CENPC: variants seen among roughly 807,000 people sequenced by gnomAD.
The protein encoded by CENPC is centromere protein C.
CENPC carries 63 observed loss-of-function variants against 112.1 expected under a neutral mutation model. That is an observed-to-expected ratio of 0.56 (90% CI 0.46 to 0.69). The LOEUF is 0.69. CENPC is among the 30% of genes least tolerant of loss of function. The pLI is 0.00. For synonymous variants in CENPC, 333 were observed against 367.6 expected (o/e 0.91, Z 1.08); for missense variants, 1,000 against 1,103.8 (o/e 0.91, Z 1.33).
chr4:67,486,546 T>A (rs1725099512), intron 17 of CENPC, among the ~76,000 whole-genome samples: 1 of 152,184 alleles, frequency 6.6e-6, no homozygotes, highest in Non-Finnish European at 1.5e-5. Context: ...ATATTAGCGG[T>A]TCTCAATCAA....
intron 17 of CENPC, among the ~76,000 whole-genome samples, chr4:67,477,250 A>C (rs1724830348): frequency 6.6e-6 from 1 of 152,124 alleles, no homozygotes; most frequent in Admixed American, 6.5e-5. Context: ...ATATTAAAGA[A>C]AACCAGCACA....
At chr4:67,479,388 C>T (rs534847475) in intron 17 of CENPC, among the ~76,000 whole-genome samples, 2 of 152,140 alleles carry the variant, frequency 1.3e-5, no homozygotes, top group Admixed American at 6.5e-5. Context: ...AGACCACAGT[C>T]GAATAAAATT....
chr4:67,523,261 C>T (rs112317266), intron 5 of CENPC, among the ~76,000 whole-genome samples: 9,370 of 151,762 alleles, frequency 0.062, 447 homozygotes, highest in Admixed American at 0.18. Flanking sequence ...TGCAGTGAGC[C>T]GAGATCACGC....
In CENPC at chr4:67,512,474, T is replaced by C. The variant is rs1371792223; in HGVS notation, c.1540A>G (p.Thr514Ala). ...CTTCGACTTTTCGTGACAGTTGAAG[T>C]CACTTCTTCAGGTACAAGTTTGTTC... ...SKNKLVPEEV[T>A]STVTKSRRIS... is the part of the protein sequence containing the mutation. The change falls in exon 9 of 19, where the codon ACT becomes GCT. Residue 514 changes from threonine to alanine, a missense_variant. By Grantham distance (58) the Thr-to-Ala change is moderately conservative (BLOSUM62 0). Transcript: ENST00000273853. The C allele has an allele frequency of 1.3e-6, 2 of 1,599,242 alleles. No individual in the cohort carries two copies. Among genetic ancestry groups the C allele is most frequent in the Non-Finnish European group, 1.7e-6 (2 of 1,172,634 alleles).
At chr4:67,483,576 A>T (rs1725010343) in intron 17 of CENPC, among the ~76,000 whole-genome samples, 1 of 152,004 alleles carries the variant, frequency 6.6e-6, no homozygotes, top group Non-Finnish European at 1.5e-5. Flanking sequence ...ACTGTGAAAC[A>T]GTCTCAGGCA....
At chr4:67,501,152 A>G (rs1290331452) in intron 12 of CENPC, among the ~76,000 whole-genome samples, 1 of 152,162 alleles carries the variant, frequency 6.6e-6, no homozygotes, top group Non-Finnish European at 1.5e-5. Context: ...TACTAAAAAT[A>G]CAAAAATTAG....
chr4:67,545,300 G>A, intron 1 of CENPC, 38 bp downstream of exon 1: 2 of 1,455,860 alleles, frequency 1.4e-6, no homozygotes, highest in Non-Finnish European at 1.8e-6. Flanking sequence ...CCAGCCAGCC[G>A]CTCAACCACT....
chr4:67,535,079 TAAAAG>T (rs1726677167), intron 4 of CENPC, among the ~76,000 whole-genome samples: 1 of 151,800 alleles, frequency 6.6e-6, no homozygotes, highest in Non-Finnish European at 1.5e-5. Flanking sequence ...GAAGCTAAAA[TAAAAG>T]AAAGCAACAT....
At chr4:67,507,419 C>G (rs1406435091) in intron 10 of CENPC, among the ~76,000 whole-genome samples, 1 of 152,114 alleles carries the variant, frequency 6.6e-6, no homozygotes, top group Non-Finnish European at 1.5e-5. Context: ...TCTTCAGGTT[C>G]TAGTATCCTC....
At chr4:67,481,871 A>G (rs1291247158) in intron 17 of CENPC, among the ~76,000 whole-genome samples, 7 of 152,228 alleles carry the variant, frequency 4.6e-5, no homozygotes, top group African/African-American at 1.7e-4. Context: ...AGAATCCAAA[A>G]GCAAACACAA....
At chr4:67,521,748 TAGATAA>T (rs1726235496) in intron 5 of CENPC, among the ~76,000 whole-genome samples, 1 of 152,172 alleles carries the variant, frequency 6.6e-6, no homozygotes, top group Non-Finnish European at 1.5e-5. Flanking sequence ...AACAGATTAA[TAGATAA>T]AAAGTGGTAT....
At chr4:67,519,166 C>T (rs750745256) in intron 6 of CENPC, 51 bp downstream of exon 6, 128 of 1,373,346 alleles carry the variant, frequency 9.3e-5, no homozygotes, top group Admixed American at 2.7e-4. Context: ...TTTTTTAATA[C>T]AAAAAGTAAA....
Position 67,517,626 on chromosome 4 carries a change from T to A in CENPC, c.830+530A>T, listed in dbSNP as rs185747182. On this transcript the variant is annotated intron_variant, in intron 7 of 18. Transcript: ENST00000273853. ...GCCGAGGCAGATGGATCACCTGAGGTCAGGAGTTCGAGACCAGCCTGACCA... is the reference window on the plus strand; with the variant it reads ...GCCGAGGCAGATGGATCACCTGAGGACAGGAGTTCGAGACCAGCCTGACCA... Among the ~76,000 whole-genome samples the A allele has an allele frequency of 2.1e-3, 321 of 150,552 alleles. 4 individuals are homozygous for A. The highest frequency in any genetic ancestry group is 7.6e-3 in the African/African-American group (312 of 40,816).
chr4:67,484,111 G>A (rs1031156965), intron 17 of CENPC, among the ~76,000 whole-genome samples: 1 of 152,194 alleles, frequency 6.6e-6, no homozygotes, highest in Non-Finnish European at 1.5e-5. Flanking sequence ...TTCATGGTAA[G>A]TGCCCTATAA....
In CENPC at chr4:67,514,181, G is replaced by T; in HGVS notation, c.1337C>A (p.Thr446Lys). 1 of 1,612,726 alleles carries T rather than the reference G, an allele frequency of 6.2e-7. No individual in the cohort carries two copies. Among genetic ancestry groups the T allele is most frequent in the South Asian group, 1.1e-5 (1 of 90,946 alleles). ...VGQSKDENIHTSHITQDEFQR... is the reference protein window; with the variant it reads ...VGQSKDENIHKSHITQDEFQR... ...AAATTCGTCTTGGGTAATATGTGAT[G>T]TATGTATGTTTTCATCTTTAGACTG... is the stretch of plus-strand genomic sequence containing the variant. Residue 446 changes from threonine (T) to lysine (K), a missense_variant, in exon 8 of 19, where the codon ACA becomes AAA. Thr to Lys is a moderately conservative substitution (Grantham distance 78). Transcript: ENST00000273853.
At chr4:67,538,698 C>T (rs1202099048) in intron 4 of CENPC, among the ~76,000 whole-genome samples, 1 of 152,140 alleles carries the variant, frequency 6.6e-6, no homozygotes, top group African/African-American at 2.4e-5. Context: ...TCAGAGAATG[C>T]GTTGTAAGAA....
chr4:67,499,855 T>C (rs1725543757), intron 12 of CENPC, among the ~76,000 whole-genome samples: 1 of 152,176 alleles, frequency 6.6e-6, no homozygotes, highest in Admixed American at 6.5e-5. Context: ...TGTGACTCTT[T>C]CTTTTACTTG....
chr4:67,517,863 A>T (rs767386739), intron 7 of CENPC, among the ~76,000 whole-genome samples: 1 of 152,030 alleles, frequency 6.6e-6, no homozygotes, highest in South Asian at 2.1e-4. Flanking sequence ...TACATACATA[A>T]ATACTGCATT....
At chr4:67,477,466 G>C (rs1011549244) in intron 17 of CENPC, among the ~76,000 whole-genome samples, 12 of 152,170 alleles carry the variant, frequency 7.9e-5, no homozygotes, top group African/African-American at 2.9e-4. Context: ...AATCACTGCA[G>C]ACTGCCTCTC....
Sources: gnomAD v4.1 joint callset for allele counts (sites outside exome capture counted in the v4.1 genomes callset) on GRCh38, gnomAD v4.1.1 for gene constraint, MANE v1.5 for transcripts, NCBI Gene and HGNC (gene_info 2026-07-23, HGNC 2026-07-21) for gene names.